The following TRABD2B variants were observed in gnomAD, a reference collection of about 807,000 sequenced individuals.
The protein encoded by TRABD2B is metalloprotease TIKI2.
Under a neutral mutation model 40.1 loss-of-function variants are expected in TRABD2B, and 14 were observed. That is an observed-to-expected ratio of 0.35 (90% CI 0.23 to 0.55). The LOEUF is 0.55. Among genes scored for constraint, TRABD2B ranks in the 20% least tolerant of loss-of-function variants. The pLI, the probability that TRABD2B is intolerant of heterozygous loss-of-function variation, is 0.90. For synonymous variants in TRABD2B, 263 were observed against 277.0 expected (o/e 0.95, Z 0.50); for missense variants, 541 against 648.6 (o/e 0.83, Z 1.80).
chr1:47,949,105 T>C (rs760993410), intron 2 of TRABD2B, among the ~76,000 whole-genome samples: 2 of 152,212 alleles, frequency 1.3e-5, no homozygotes, highest in Non-Finnish European at 2.9e-5. Context: ...TTACTAATAA[T>C]AGTAAAATTG....
At chr1:47,954,934 C>A (rs947332649) in intron 2 of TRABD2B, among the ~76,000 whole-genome samples, 2 of 152,172 alleles carry the variant, frequency 1.3e-5, no homozygotes, top group African/African-American at 4.8e-5. Flanking sequence ...CGGCTCTGCC[C>A]AGAGGCCTCC....
chr1:47,965,251 A>C (rs1207449308), intron 2 of TRABD2B, among the ~76,000 whole-genome samples: 1 of 94,558 alleles, frequency 1.1e-5, no homozygotes, highest in Admixed American at 1.2e-4. Context: ...AGGTGGGGGG[A>C]AAGTTTCAAC....
At chr1:47,905,790 A>G (rs1170616938) in intron 2 of TRABD2B, among the ~76,000 whole-genome samples, 1 of 152,142 alleles carries the variant, frequency 6.6e-6, no homozygotes, top group African/African-American at 2.4e-5. Context: ...ACAGTCATAC[A>G]TATTTTGGAG....
chr1:47,855,004 G>A (rs886202449), intron 2 of TRABD2B, among the ~76,000 whole-genome samples: 1 of 152,136 alleles, frequency 6.6e-6, no homozygotes, highest in Non-Finnish European at 1.5e-5. Flanking sequence ...GGCCTTCTTG[G>A]GATCATCAGC....
chr1:47,858,858 G>T (rs1002999026), intron 2 of TRABD2B, among the ~76,000 whole-genome samples: 5 of 152,188 alleles, frequency 3.3e-5, no homozygotes, highest in African/African-American at 4.8e-5. Flanking sequence ...TCAGGATGGC[G>T]GCCTGGTGGA....
In TRABD2B at chr1:47,812,454, A is replaced by G. The variant is rs112558224; in HGVS notation, c.667-10835T>C. ...GGAAAGTGTTCACCGCAGGCTGTGC[A>G]TGGTGGCTCACATCTGTAATCCCAG... On this transcript the variant is annotated intron_variant, in intron 2 of 6. Transcript: ENST00000606738. Among the ~76,000 whole-genome samples the G allele has an allele frequency of 5.2e-4, 79 of 152,318 alleles. 4 individuals are homozygous for G. Among genetic ancestry groups the G allele is most frequent in the African/African-American group, 1.9e-3 (79 of 41,580 alleles).
chr1:47,774,920 C>T (rs1364501648), intron 6 of TRABD2B, among the ~76,000 whole-genome samples: 3 of 152,236 alleles, frequency 2.0e-5, no homozygotes, highest in Admixed American at 6.5e-5. Flanking sequence ...CAGATTTGTG[C>T]GCTGTGCCTG....
chr1:47,792,835 G>C (rs1278215097), intron 4 of TRABD2B, among the ~76,000 whole-genome samples: 1 of 152,066 alleles, frequency 6.6e-6, no homozygotes, highest in Admixed American at 6.5e-5. Context: ...CTCTCTGGGG[G>C]CTCCCCTTAG....
At position 47,861,366 on chromosome 1, in the gene TRABD2B, A is replaced by AC. The variant is rs1433159213; in HGVS notation, c.667-59748dup. Among the ~76,000 whole-genome samples the AC allele has an allele frequency of 1.2e-3, 184 of 152,100 alleles. 1 individual carries two copies. Among genetic ancestry groups the AC allele is most frequent in the African/African-American group, 4.2e-3 (175 of 41,506 alleles). On this transcript the variant is annotated intron_variant, in intron 2 of 6. Coordinates refer to ENST00000606738, the MANE Select transcript of TRABD2B (RefSeq NM_001194986.2). ...AACGTCCTACAATATACATGACAGCACCCCCCACCCTGCAACAATGATTAT... is the reference window on the plus strand; with the variant it reads ...AACGTCCTACAATATACATGACAGCACCCCCCCACCCTGCAACAATGATTAT...
At chr1:47,874,311 T>C (rs1412644865) in intron 2 of TRABD2B, among the ~76,000 whole-genome samples, 1 of 131,070 alleles carries the variant, frequency 7.6e-6, no homozygotes, top group Non-Finnish European at 1.6e-5. Flanking sequence ...CAGGCCGGAC[T>C]GCGGACTGCG....
intron 2 of TRABD2B, among the ~76,000 whole-genome samples, chr1:47,828,930 C>T (rs183484277): frequency 4.3e-4 from 65 of 152,324 alleles, no homozygotes; most frequent in Admixed American, 5.9e-4. Context: ...AGCCTGCCTC[C>T]GTCCTGTGCA....
rs530509115 is a variant in TRABD2B at position 47,810,057 on chromosome 1, T to C, written c.667-8438A>G. Among the ~76,000 whole-genome samples the C allele has an allele frequency of 5.9e-5, 9 of 151,868 alleles. No homozygotes were observed. In the East Asian group the frequency reaches 1.6e-3, roughly 26 times the overall value. On this transcript the variant is annotated intron_variant, in intron 2 of 6. Coordinates refer to ENST00000606738, the MANE Select transcript of TRABD2B (RefSeq NM_001194986.2). ...CATTCCAGTAGGAGAAAGCTGACCATAAAGAAACAAGAAGTAAACCATCCA... is the reference window on the plus strand; with the variant it reads ...CATTCCAGTAGGAGAAAGCTGACCACAAAGAAACAAGAAGTAAACCATCCA...
chr1:47,882,985 C>T (rs563105541), intron 2 of TRABD2B, among the ~76,000 whole-genome samples: 40 of 152,262 alleles, frequency 2.6e-4, no homozygotes, highest in Non-Finnish European at 5.4e-4. Flanking sequence ...TAACCCTGGG[C>T]AAGTCACTTA....
At chr1:47,949,407 T>C (rs1019831947) in intron 2 of TRABD2B, among the ~76,000 whole-genome samples, 1 of 137,574 alleles carries the variant, frequency 7.3e-6, no homozygotes, top group East Asian at 2.1e-4. Context: ...CTTTCTTTTT[T>C]TTTTTTTTTT....
intron 4 of TRABD2B, among the ~76,000 whole-genome samples, chr1:47,791,050 C>T (rs1425131619): frequency 6.6e-6 from 1 of 152,192 alleles, no homozygotes; most frequent in Non-Finnish European, 1.5e-5. Context: ...GCACTGAAGC[C>T]CCCTCAGAGC....
intron 4 of TRABD2B, among the ~76,000 whole-genome samples, chr1:47,786,474 G>A (rs1431133387): frequency 6.6e-6 from 1 of 152,212 alleles, no homozygotes; most frequent in Non-Finnish European, 1.5e-5. Flanking sequence ...CCTCTGGCTG[G>A]CTGGATGTTC....
intron 2 of TRABD2B, among the ~76,000 whole-genome samples, chr1:47,979,328 G>A (rs1041922605): frequency 4.6e-5 from 7 of 152,316 alleles, no homozygotes; most frequent in Admixed American, 1.3e-4. Context: ...TTCATTCTAC[G>A]AGGTTCCTTC....
At chr1:47,965,661 C>G (rs1557684561) in intron 2 of TRABD2B, among the ~76,000 whole-genome samples, 5 of 152,222 alleles carry the variant, frequency 3.3e-5, no homozygotes, top group Non-Finnish European at 7.3e-5. Context: ...CATCACACCT[C>G]TCTTCCCACT....
intron 2 of TRABD2B, among the ~76,000 whole-genome samples, chr1:47,947,673 T>C (rs1264400742): frequency 3.3e-5 from 5 of 152,026 alleles, no homozygotes; most frequent in African/African-American, 4.8e-5. Context: ...ATAGAGTGAA[T>C]AAAAGCCAAA....
Sources: gnomAD v4.1 joint callset for allele counts (sites outside exome capture counted in the v4.1 genomes callset) on GRCh38, gnomAD v4.1.1 for gene constraint, MANE v1.5 for transcripts, NCBI Gene and HGNC (gene_info 2026-07-23, HGNC 2026-07-21) for gene names.